The following CFAP74 variants were observed in gnomAD, a reference collection of about 807,000 sequenced individuals.
CFAP74 encodes cilia and flagella associated protein 74.
In CFAP74, 124 loss-of-function variants were observed where a neutral mutation model predicts 188.9. That is an observed-to-expected ratio of 0.66 (90% CI 0.57 to 0.76). The LOEUF (loss-of-function observed/expected upper bound fraction) is 0.76, where lower values mean the gene tolerates loss of function less well. CFAP74 is among the 30% of genes least tolerant of loss of function. The probability of loss-of-function intolerance (pLI) is 0.00; values close to 1 mark genes in which losing one functional copy is unlikely to be tolerated. For missense variants in CFAP74, 2,198 were observed against 2,165.2 expected, an observed-to-expected ratio of 1.02 and a Z score of -0.30; for synonymous variants, 956 against 916.7, an observed-to-expected ratio of 1.04 and a Z score of -0.77.
chr1:1,973,190 G>A lies in CFAP74; in HGVS notation c.675-143C>T. Reference sequence around the variant, plus strand: ...TGTCCCGCACAGCCTCCCTTGGGGAGGAGCGAGGGTCCCTGGAGAGCTGAT... The same window carrying A: ...TGTCCCGCACAGCCTCCCTTGGGGAAGAGCGAGGGTCCCTGGAGAGCTGAT... On this transcript the variant is annotated intron_variant, in intron 7 of 38. Transcript: ENST00000682832. The surrounding 1 kb of genome is among the most constrained non-coding windows in gnomAD (Gnocchi z 6.2). 1 of 621,642 alleles carries A rather than the reference G, an allele frequency of 1.6e-6. No homozygotes were observed. The highest frequency in any genetic ancestry group is 2.8e-6 in the Non-Finnish European group (1 of 355,830). The allele number at this position is 621,642 out of a possible 1,614,324, so 38.5% of individuals were successfully genotyped here.
chr1:1,997,196 G>A (rs954690273), intron 1 of CFAP74, among the ~76,000 whole-genome samples: 4 of 152,144 alleles, frequency 2.6e-5, no homozygotes, highest in Non-Finnish European at 4.4e-5. Context: ...GCTAAGGTTG[G>A]TGGATCACCT....
Position 1,974,148 on chromosome 1 carries a change from C to T in CFAP74, c.551G>A (p.Arg184Gln), listed in dbSNP as rs372143369. Residue 184 changes from arginine (R) to glutamine (Q), a missense_variant, in exon 7 of 39, where the codon CGG becomes CAG. Coordinates refer to ENST00000682832, the MANE Select transcript of CFAP74 (RefSeq NM_001304360.2). Reference protein sequence around the residue: ...EIQEGRLEAFRTADREEVEAT... With the variant: ...EIQEGRLEAFQTADREEVEAT... ...CTCCACCTCCTCACGGTCAGCTGTC[C>T]GGAAGGCCTCGAGTCGCCCCTCCTG... 1.9e-4 allele frequency: 307 copies of T among 1,611,826 alleles called. 1 individual carries two copies. The highest frequency in any genetic ancestry group is 6.7e-5 in the Admixed American group (4 of 59,796).
intron 11 of CFAP74, 23 bp from the exon 12 acceptor site, chr1:1,966,549 C>A: frequency 2.0e-6 from 3 of 1,501,172 alleles, no homozygotes; most frequent in South Asian, 1.3e-5. Context: ...AGAGGAACAT[C>A]GCAAAGACAC....
chr1:1,955,700 G>T lies in CFAP74; in HGVS notation c.2167C>A (p.Gln723Lys). The T allele has an allele frequency of 1.2e-6, 2 of 1,612,780 alleles. No individual in the cohort carries two copies. Among genetic ancestry groups the T allele is most frequent in the Non-Finnish European group, 1.7e-6 (2 of 1,179,272 alleles). Residue 723 changes from glutamine to lysine, a missense_variant, in exon 18 of 39, where the codon CAG (glutamine) becomes AAG (lysine). Gln to Lys is a moderately conservative substitution (Grantham distance 53). Transcript: ENST00000682832. ...EKLDKEQEEE[Q>K]PAEPERLTTV... The stretch of plus-strand genomic sequence containing the variant: ...TGGCAGCCTGGCTCACCTGCGGGCT[G>T]CTCCTCCTCCTGCTCCTTGTCCAGC...
At position 1,944,333 on chromosome 1, in the gene CFAP74, CGTGT is replaced by C. The variant is rs2102049535; in HGVS notation, c.2480_2483del (p.His827ArgfsTer9). The C allele has an allele frequency of 6.5e-7, 1 of 1,535,194 alleles. No homozygotes were observed. Among genetic ancestry groups the C allele is most frequent in the South Asian group, 1.2e-5 (1 of 84,016 alleles). The stretch of plus-strand genomic sequence containing the variant: ...TGCATGGACAGGAGGGGGCTCACCG[CGTGT>C]GCACGAGCACAGAGTCCTGGTAGAG... On this transcript the variant is annotated frameshift_variant, in exon 21 of 39. Coordinates refer to ENST00000682832, the MANE Select transcript of CFAP74 (RefSeq NM_001304360.2). LOFTEE classifies it high-confidence loss of function.
intron 6 of CFAP74, among the ~76,000 whole-genome samples, chr1:1,979,010 G>A (rs1050608053): frequency 4.1e-4 from 61 of 150,372 alleles, no homozygotes; most frequent in African/African-American, 1.5e-3. Context: ...CACAGAACAC[G>A]TGTGTCGTGC....
At chr1:1,944,279 CTCACCCCGTGTGCGTGGG>C (rs1191436005) in intron 21 of CFAP74, 34 bp downstream of exon 21, 14 of 1,518,886 alleles carry the variant, frequency 9.2e-6, no homozygotes, top group Admixed American at 2.0e-5. Context: ...CAGGCAGCGG[CTCACCCCGTGTGCGTGGG>C]TCACCCCGTG....
Position 1,938,241 on chromosome 1 carries a change from A to AT in CFAP74, c.3011+613dup, listed in dbSNP as rs1653068625. Among the ~76,000 whole-genome samples, 3 of 151,558 alleles carry AT rather than the reference A, an allele frequency of 2.0e-5. No homozygotes were observed. The South Asian group carries it at 6.3e-4, about 32-fold the overall frequency. On this transcript the variant is annotated intron_variant, in intron 25 of 38. Coordinates refer to ENST00000682832, the MANE Select transcript of CFAP74 (RefSeq NM_001304360.2). Reference sequence around the variant, plus strand: ...TGCACTCACAGTCACATGCTCACACATACAAGCACTCACACTCAACCTTAC... The same window carrying AT: ...TGCACTCACAGTCACATGCTCACACATTACAAGCACTCACACTCAACCTTAC...
At chr1:1,990,360 C>T (rs918997775) in intron 2 of CFAP74, among the ~76,000 whole-genome samples, 15 of 138,558 alleles carry the variant, frequency 1.1e-4, no homozygotes, top group Non-Finnish European at 1.5e-4. Flanking sequence ...GCCACAGTCA[C>T]AAGGGGGGCG....
intron 18 of CFAP74, 76 bp downstream of exon 18, chr1:1,955,615 C>T (rs1279841452): frequency 2.5e-6 from 4 of 1,612,720 alleles, no homozygotes; most frequent in East Asian, 4.5e-5. Flanking sequence ...TCCCCTGGGC[C>T]CCTCAGCCCC....
Position 1,956,800 on chromosome 1 carries a change from G to T in CFAP74, c.1852-16C>A. On this transcript the variant is annotated splice_polypyrimidine_tract_variant and intron_variant, in intron 16 of 38. Transcript: ENST00000682832. ...CGAGGGACAGCTGCCAGAGGACATG[G>T]AGTGAACTCAGGGCCACCGTGCCAG... 1.9e-6 allele frequency: 3 copies of T among 1,609,566 alleles called. No individual in the cohort carries two copies. Among genetic ancestry groups the T allele is most frequent in the Non-Finnish European group, 8.5e-7 (1 of 1,177,802 alleles).
At chr1:1,982,704 C>T (rs977164315) in intron 6 of CFAP74, among the ~76,000 whole-genome samples, 10 of 152,202 alleles carry the variant, frequency 6.6e-5, no homozygotes, top group Non-Finnish European at 1.3e-4. Context: ...AGGAGGAGGG[C>T]GGCAGGTGGG....
At chr1:1,976,684 A>G (rs1426434421) in intron 6 of CFAP74, among the ~76,000 whole-genome samples, 1 of 152,136 alleles carries the variant, frequency 6.6e-6, no homozygotes, top group Non-Finnish European at 1.5e-5. Context: ...CTGGGATTAC[A>G]GGCATGCACC....
chr1:1,966,239 C>T (rs1046804286), intron 12 of CFAP74, 132 bp downstream of exon 12: 13 of 812,558 alleles, frequency 1.6e-5, no homozygotes, highest in African/African-American at 1.4e-4. Context: ...GAGAGGGTGG[C>T]GGGAGATGGC....
intron 17 of CFAP74, 127 bp downstream of exon 17, chr1:1,956,493 C>T: frequency 2.6e-6 from 3 of 1,150,192 alleles, no homozygotes; most frequent in South Asian, 1.4e-5. Context: ...TGAGGAGGCC[C>T]CCACACTGCC....
At chr1:1,996,786 T>C (rs1050030300) in intron 1 of CFAP74, among the ~76,000 whole-genome samples, 3 of 151,280 alleles carry the variant, frequency 2.0e-5, no homozygotes, top group Non-Finnish European at 2.9e-5. Flanking sequence ...CTGGGTGTGG[T>C]GGCAGGCACC....
At position 1,956,779 on chromosome 1, in the gene CFAP74, G is replaced by A; in HGVS notation, c.1857C>T (p.Ser619=). 2 of 1,612,402 alleles carry A rather than the reference G, an allele frequency of 1.2e-6. No homozygotes were observed. Among genetic ancestry groups the A allele is most frequent in the South Asian group, 1.1e-5 (1 of 90,746 alleles). The change falls in exon 17 of 39, where the codon TCC becomes TCT. Residue 619 remains serine (S), a synonymous_variant. Coordinates refer to ENST00000682832, the MANE Select transcript of CFAP74 (RefSeq NM_001304360.2). The stretch of plus-strand genomic sequence containing the variant: ...CGAAGTCAATGAGCTCCTTGTCGAG[G>A]GACAGCTGCCAGAGGACATGGAGTG... ...LKCSTKKCSL[S]LDKELIDFGS...
intron 24 of CFAP74, 115 bp downstream of exon 24, chr1:1,939,479 G>A (rs1238928579): frequency 1.1e-5 from 11 of 1,033,454 alleles, no homozygotes; most frequent in African/African-American, 9.5e-5. Flanking sequence ...GCTGAGAGGC[G>A]GAAGTTGGGC....
At chr1:1,956,472 T>G in intron 17 of CFAP74, 148 bp downstream of exon 17, 1 of 917,034 alleles carries the variant, frequency 1.1e-6, no homozygotes, top group Non-Finnish European at 1.7e-6. Flanking sequence ...TCTCTTCTGC[T>G]TAGGCTGATT....
Sources: gnomAD v4.1 joint callset for allele counts (sites outside exome capture counted in the v4.1 genomes callset) on GRCh38, gnomAD v4.1.1 for gene constraint, Gnocchi (gnomAD v3.1) non-coding constraint, MANE v1.5 for transcripts, NCBI Gene and HGNC (gene_info 2026-07-23, HGNC 2026-07-21) for gene names.